Variants in PEAK1 observed in about 807,000 individuals in gnomAD.
The protein encoded by PEAK1 is pseudopodium enriched atypical kinase 1, also known as inactive tyrosine-protein kinase PEAK1.
Under a neutral mutation model 124.7 loss-of-function variants are expected in PEAK1, and 54 were observed. That is an observed-to-expected ratio of 0.43 (90% CI 0.35 to 0.54). The LOEUF (loss-of-function observed/expected upper bound fraction) is 0.54. Ranked by LOEUF, PEAK1 falls within the 20% of genes least tolerant of loss-of-function variation. The pLI is 0.01. For synonymous variants in PEAK1, 719 were observed against 760.0 expected, an observed-to-expected ratio of 0.95 and a Z score of 0.89; for missense variants, 2,046 against 2,134.5, an observed-to-expected ratio of 0.96 and a Z score of 0.82.
intron 8 of PEAK1, among the ~76,000 whole-genome samples, chr15:77,136,721 C>T (rs2053362290): frequency 6.6e-6 from 1 of 151,960 alleles, no homozygotes; most frequent in Admixed American, 6.6e-5. Context: ...AATTTGCAGC[C>T]TGTCAATGTG....
At chr15:77,396,495 A>G (rs1018112503) in intron 1 of PEAK1, among the ~76,000 whole-genome samples, 4 of 152,116 alleles carry the variant, frequency 2.6e-5, no homozygotes, top group Non-Finnish European at 5.9e-5. Flanking sequence ...ATTTAAAAAA[A>G]ACCAACAAAA....
At position 77,283,998 on chromosome 15, in the gene PEAK1, A is replaced by G; in HGVS notation, c.-390T>C. On this transcript the variant is annotated 5_prime_UTR_variant, in exon 5 of 10. Coordinates refer to ENST00000682557, the MANE Select transcript of PEAK1 (RefSeq NM_001385026.1). ...CATTGAATTCTCACTTTCTCACAAA[A>G]TGGTACTTCATTGAAGGATGTAATT... 1.0e-6 allele frequency: 1 copy of G among 984,958 alleles called. No individual in the cohort carries two copies. The highest frequency in any genetic ancestry group is 1.2e-6 in the Non-Finnish European group (1 of 829,514). The allele number at this position is 984,958 out of a possible 1,614,324, so 61.0% of individuals were successfully genotyped here.
intron 9 of PEAK1, among the ~76,000 whole-genome samples, chr15:77,128,767 G>T (rs2052595949): frequency 1.3e-5 from 2 of 152,164 alleles, no homozygotes; most frequent in South Asian, 4.1e-4. Context: ...GTTCACAACT[G>T]GAGAGCCTCA....
chr15:77,226,044 G>GATATATATATATATAT (rs1157824212), intron 6 of PEAK1, among the ~76,000 whole-genome samples: 7 of 44,988 alleles, frequency 1.6e-4, no homozygotes, highest in Admixed American at 2.7e-4. Context: ...AAAATAAAGG[G>GATATATATATATATAT]ATATATATAT....
intron 2 of PEAK1, chr15:77,353,000 C>G (rs1246569241): frequency 1.0e-6 from 1 of 985,070 alleles, no homozygotes; most frequent in African/African-American, 1.8e-5. Flanking sequence ...GTGAGTAAAA[C>G]ACTCTGGCAA....
At chr15:77,348,644 A>G in intron 2 of PEAK1, 5 of 985,118 alleles carry the variant, frequency 5.1e-6, no homozygotes, top group Non-Finnish European at 6.0e-6. Flanking sequence ...CATTTTATAG[A>G]GCACTTTCAT....
intron 5 of PEAK1, among the ~76,000 whole-genome samples, chr15:77,275,951 G>A (rs1051924251): frequency 6.6e-6 from 1 of 151,918 alleles, no homozygotes; most frequent in Non-Finnish European, 1.5e-5. Context: ...CCAAAATTAC[G>A]ATAACTGAAA....
rs149264841 is a variant in PEAK1, at chr15:77,220,508, C to T, written c.-115+31859G>A. The stretch of plus-strand genomic sequence containing the variant: ...ATACAATAGCTCACTACAATTCATA[C>T]AAGCTAAAATTCAAAAAAAAAAAAA... On this transcript the variant is annotated intron_variant, in intron 6 of 9. Coordinates refer to ENST00000682557, the MANE Select transcript of PEAK1 (RefSeq NM_001385026.1). Among the ~76,000 whole-genome samples the T allele has an allele frequency of 5.7e-3, 620 of 108,830 alleles. 1 individual carries two copies. The highest frequency in any genetic ancestry group is 0.019 in the African/African-American group (530 of 27,288). The allele number at this position is 108,830 out of a possible 152,430, so 71.4% of individuals were successfully genotyped here.
intron 6 of PEAK1, among the ~76,000 whole-genome samples, chr15:77,199,488 A>T (rs1376138449): frequency 6.6e-6 from 1 of 152,246 alleles, no homozygotes; most frequent in Non-Finnish European, 1.5e-5. Context: ...AAAGCCTGGA[A>T]GGATTAAACT....
chr15:77,288,908 A>G (rs2063066351), intron 2 of PEAK1, among the ~76,000 whole-genome samples: 1 of 149,354 alleles, frequency 6.7e-6, no homozygotes. Context: ...CAGCATGGGC[A>G]CAAAGCAAGA....
intron 2 of PEAK1, chr15:77,349,381 AAT>A (rs2067074433): frequency 4.1e-6 from 4 of 983,786 alleles, no homozygotes; most frequent in Non-Finnish European, 4.8e-6. Flanking sequence ...CAAAGACATA[AAT>A]GTTTCCATGT....
Position 77,114,403 on chromosome 15 carries a change from C to T in PEAK1, c.4994G>A (p.Cys1665Tyr), listed in dbSNP as rs763392654. The change falls in exon 10 of 10, where the codon TGT becomes TAT. Residue 1665 changes from cysteine (C) to tyrosine (Y), a missense_variant. Coordinates refer to ENST00000682557, the MANE Select transcript of PEAK1 (RefSeq NM_001385026.1). ...ATCTTCGCGGGGGCCCCAGAGCAGA[C>T]ACTGGAGGATGCCTTTGGCGTCTGA... is the stretch of plus-strand genomic sequence containing the variant. ...LISDAKGILQ[C>Y]LLWGPREDLF... 1.4e-5 allele frequency: 22 copies of T among 1,614,076 alleles called. No homozygotes were observed. Among genetic ancestry groups the T allele is most frequent in the Non-Finnish European group, 1.9e-5 (22 of 1,180,042 alleles).
intron 2 of PEAK1, among the ~76,000 whole-genome samples, chr15:77,315,077 A>T (rs2064788544): frequency 6.6e-6 from 1 of 152,244 alleles, no homozygotes; most frequent in African/African-American, 2.4e-5. Context: ...TTTTTAAAAA[A>T]GAAAAAGACA....
intron 6 of PEAK1, among the ~76,000 whole-genome samples, chr15:77,234,858 T>C (rs1044103762): frequency 6.6e-6 from 1 of 152,090 alleles, no homozygotes; most frequent in African/African-American, 2.4e-5. Flanking sequence ...TTGCCCAGGC[T>C]GGTCCTGAAT....
chr15:77,372,004 G>A (rs2068677726), intron 1 of PEAK1, among the ~76,000 whole-genome samples: 1 of 152,140 alleles, frequency 6.6e-6, no homozygotes, highest in African/African-American at 2.4e-5. Context: ...AACAGTCATA[G>A]AGAAAATGTT....
chr15:77,205,883 A>T (rs1456217731), intron 6 of PEAK1, among the ~76,000 whole-genome samples: 2 of 150,412 alleles, frequency 1.3e-5, no homozygotes, highest in Middle Eastern at 3.2e-3. Context: ...TGTGCAGGTT[A>T]GTTACATATG....
At chr15:77,247,113 C>T (rs1324921582) in intron 6 of PEAK1, among the ~76,000 whole-genome samples, 1 of 152,176 alleles carries the variant, frequency 6.6e-6, no homozygotes, top group East Asian at 1.9e-4. Flanking sequence ...AGTTCTAGTA[C>T]ACTTTTTGGT....
intron 2 of PEAK1, among the ~76,000 whole-genome samples, chr15:77,311,685 C>CAAAAAAA (rs11296386): frequency 4.7e-4 from 40 of 85,810 alleles, no homozygotes; most frequent in African/African-American, 1.1e-3. Context: ...CCAACCCCCA[C>CAAAAAAA]AAAAAAAAAA....
At chr15:77,195,775 T>C (rs1015759348) in intron 6 of PEAK1, among the ~76,000 whole-genome samples, 14 of 152,240 alleles carry the variant, frequency 9.2e-5, no homozygotes, top group African/African-American at 3.1e-4. Flanking sequence ...ATGTACTAAT[T>C]AATCAGGCCT....
Sources: allele counts gnomAD v4.1 joint callset (sites outside exome capture counted in the v4.1 genomes callset), GRCh38; gene constraint gnomAD v4.1.1; transcripts MANE v1.5; gene names NCBI Gene and HGNC (gene_info 2026-07-23, HGNC 2026-07-21).